Variants in ZSWIM5 observed in about 807,000 individuals in gnomAD.
ZSWIM5 encodes the protein zinc finger SWIM domain-containing protein 5.
Under a neutral mutation model 119.6 loss-of-function variants are expected in ZSWIM5, and 55 were observed. That is an observed-to-expected ratio of 0.46 (90% CI 0.37 to 0.58). The LOEUF (loss-of-function observed/expected upper bound fraction) is 0.58, where lower values mean the gene tolerates loss of function less well. Among genes scored for constraint, ZSWIM5 ranks in the 20% least tolerant of loss-of-function variants. ZSWIM5 has a pLI of 0.00. For synonymous variants in ZSWIM5, 537 were observed against 606.9 expected, an observed-to-expected ratio of 0.88 and a Z score of 1.69; for missense variants, 1,193 against 1,512.8, an observed-to-expected ratio of 0.79 and a Z score of 3.51.
chr1:45,159,099 AAAAGCTTAACC>A (rs1557783661), intron 1 of ZSWIM5, among the ~76,000 whole-genome samples: 4 of 152,170 alleles, frequency 2.6e-5, no homozygotes, highest in Non-Finnish European at 5.9e-5. Flanking sequence ...TCACATTTTA[AAAAGCTTAACC>A]TAAAAGCATT....
chr1:45,074,388 C>T (rs183573450), intron 2 of ZSWIM5, among the ~76,000 whole-genome samples: 25 of 151,778 alleles, frequency 1.6e-4, no homozygotes, highest in Admixed American at 1.4e-3. Flanking sequence ...TTTATTATGG[C>T]TTTGAATTTG....
In ZSWIM5 at chr1:45,206,368, C is replaced by T; in HGVS notation, c.-18G>A. 2 of 1,372,326 alleles carry T rather than the reference C, an allele frequency of 1.5e-6. No homozygotes were observed. Among genetic ancestry groups the T allele is most frequent in the East Asian group, 3.0e-5 (1 of 32,800 alleles). 85.0% of individuals were successfully genotyped at this position (1,372,326 alleles called of 1,614,324 possible). A position where few individuals can be genotyped will look rare whatever the true frequency, so the allele number is the denominator to read the frequency against. ...TCCGCCATTGCTGGGGACTGACTGA[C>T]TGACTGAGGCGGCGGCGGCTGCTCG... On this transcript the variant is annotated 5_prime_UTR_variant, in exon 1 of 14. Coordinates refer to ENST00000359600, the MANE Select transcript of ZSWIM5 (RefSeq NM_020883.2).
At chr1:45,185,983 A>G (rs1401854628) in intron 1 of ZSWIM5, among the ~76,000 whole-genome samples, 1 of 152,196 alleles carries the variant, frequency 6.6e-6, no homozygotes, top group African/African-American at 2.4e-5. Context: ...TCACAATAGC[A>G]AACACTTGGA....
intron 2 of ZSWIM5, among the ~76,000 whole-genome samples, chr1:45,061,372 CTTTT>C (rs34346997): frequency 2.1e-5 from 3 of 143,356 alleles, no homozygotes; most frequent in Non-Finnish European, 1.5e-5. Context: ...TCTATGCATA[CTTTT>C]TTTTTTTTTT....
intron 1 of ZSWIM5, among the ~76,000 whole-genome samples, chr1:45,200,369 G>A (rs1646151720): frequency 6.6e-6 from 1 of 152,096 alleles, no homozygotes; most frequent in Non-Finnish European, 1.5e-5. Context: ...TGCTGCCTAT[G>A]TTAGAAAGAA....
At position 45,205,784 on chromosome 1, in the gene ZSWIM5, G is replaced by A. The variant is rs767468542; in HGVS notation, c.567C>T (p.Ser189=). ...PFRRGIRLLD[S]GSVENVLQVG... ...CTTGCAGCACGTTCTCCACGGAGCC[G>A]CTGTCCAGCAGACGGATGCCCCGGC... Residue 189 remains serine, a synonymous_variant, in exon 1 of 14, where the codon AGC becomes AGT. Coordinates refer to ENST00000359600, the MANE Select transcript of ZSWIM5 (RefSeq NM_020883.2). The A allele has an allele frequency of 3.8e-6, 6 of 1,563,830 alleles. No homozygotes were observed. Among genetic ancestry groups the A allele is most frequent in the Non-Finnish European group, 5.2e-6 (6 of 1,159,710 alleles).
At chr1:45,167,427 T>A (rs370764616) in intron 1 of ZSWIM5, among the ~76,000 whole-genome samples, 3 of 151,814 alleles carry the variant, frequency 2.0e-5, no homozygotes, top group Non-Finnish European at 4.4e-5. Context: ...GGACTTCATG[T>A]CTAAAACACC....
At chr1:45,069,902 G>A (rs975689584) in intron 2 of ZSWIM5, 1 of 504,064 alleles carries the variant, frequency 2.0e-6, no homozygotes, top group South Asian at 2.6e-5. Context: ...TTTCATATTA[G>A]AGGACTGGTA....
intron 1 of ZSWIM5, among the ~76,000 whole-genome samples, chr1:45,173,585 G>C (rs779909510): frequency 6.6e-6 from 1 of 151,874 alleles, no homozygotes; most frequent in Non-Finnish European, 1.5e-5. Context: ...CACAGGAGCC[G>C]GGCTCTAACC....
At chr1:45,168,534 G>A (rs145382068) in intron 1 of ZSWIM5, among the ~76,000 whole-genome samples, 9 of 150,052 alleles carry the variant, frequency 6.0e-5, no homozygotes, top group African/African-American at 1.5e-4. Context: ...GTGTGGTGGC[G>A]CATGCCTGTA....
intron 2 of ZSWIM5, among the ~76,000 whole-genome samples, chr1:45,083,184 T>G (rs1188964203): frequency 1.3e-5 from 2 of 152,170 alleles, no homozygotes; most frequent in African/African-American, 2.4e-5. Context: ...CACTGCAACT[T>G]TGAGTATAAA....
At chr1:45,175,427 T>A (rs933912271) in intron 1 of ZSWIM5, among the ~76,000 whole-genome samples, 2 of 152,032 alleles carry the variant, frequency 1.3e-5, no homozygotes, top group African/African-American at 4.8e-5. Context: ...AATATACTCA[T>A]CAAATTTTCA....
chr1:45,133,487 T>G (rs1315431625), intron 1 of ZSWIM5, among the ~76,000 whole-genome samples: 3 of 152,216 alleles, frequency 2.0e-5, no homozygotes, highest in Non-Finnish European at 4.4e-5. Flanking sequence ...TTTGTTTGAG[T>G]TCTTTGTAGA....
At chr1:45,060,377 T>C in intron 2 of ZSWIM5, 130 bp from the exon 3 acceptor site, 1 of 868,192 alleles carries the variant, frequency 1.2e-6, no homozygotes, top group Non-Finnish European at 1.7e-6. Flanking sequence ...TTGTCAACTG[T>C]ATAGTCCTAA....
At chr1:45,093,529 G>A (rs61788388) in intron 1 of ZSWIM5, among the ~76,000 whole-genome samples, 11,022 of 152,274 alleles carry the variant, frequency 0.072, 495 homozygotes, top group Non-Finnish European at 0.1. Flanking sequence ...GGCTCTGTCA[G>A]CTGTATTAAC....
chr1:45,184,303 G>A (rs1239177786), intron 1 of ZSWIM5, among the ~76,000 whole-genome samples: 11 of 151,902 alleles, frequency 7.2e-5, no homozygotes, highest in South Asian at 2.1e-4. Flanking sequence ...TACTGAATGG[G>A]CAAAAACTGG....
rs146173531 is a variant in ZSWIM5 at position 45,032,978 on chromosome 1, T to A, written c.2449+1334A>T. On this transcript the variant is annotated intron_variant, in intron 11 of 13. Coordinates refer to ENST00000359600, the MANE Select transcript of ZSWIM5 (RefSeq NM_020883.2). ...TAAGCATTTTGGTTATGATGTGCCA[T>A]GGTATAGTTTTCTTCATGTTTATTA... 4.8e-3 allele frequency among the ~76,000 whole-genome samples: 724 copies of A among 152,246 alleles called. 9 individuals are homozygous for A. The highest frequency in any genetic ancestry group is 0.017 in the African/African-American group (702 of 41,526).
rs1459695265 is a variant in ZSWIM5, at chr1:45,043,392, G to A, written c.1436C>T (p.Ser479Phe). The change falls in exon 6 of 14, where the codon TCC becomes TTC. Residue 479 changes from serine (S) to phenylalanine (F), a missense_variant. Transcript: ENST00000359600. ...LPQSAIHSPD[S>F]LSRPRRTVFT... is the part of the protein sequence containing the mutation. ...TACTGTTCGTCTTGGTCTGGATAAG[G>A]AGTCTGGAGAAAGAAGAACATGCAG... 1 of 1,614,046 alleles carries A rather than the reference G, an allele frequency of 6.2e-7. No individual in the cohort carries two copies.
chr1:45,036,350 CTTTCT>C lies in ZSWIM5; in HGVS notation c.1895-56_1895-52del. 3 of 1,368,622 alleles carry C rather than the reference CTTTCT, an allele frequency of 2.2e-6. No homozygotes were observed. The East Asian group carries it at 7.5e-5, about 34-fold the overall frequency. The allele number at this position is 1,368,622 out of a possible 1,614,324, so 84.8% of individuals were successfully genotyped here. A position where few individuals can be genotyped will look rare whatever the true frequency, so the allele number is the denominator to read the frequency against. On this transcript the variant is annotated intron_variant, in intron 8 of 13. Transcript: ENST00000359600. ...TTTAGGTTAGGCTTGGTAGAGTCTT[CTTTCT>C]TTTTTTTTTTTTTTTTTGAGACAGA...
Sources: allele counts gnomAD v4.1 joint callset (sites outside exome capture counted in the v4.1 genomes callset), GRCh38; gene constraint gnomAD v4.1.1; transcripts MANE v1.5; gene names NCBI Gene and HGNC (gene_info 2026-07-23, HGNC 2026-07-21).